The following ME2 variants were observed in gnomAD, a reference collection of about 807,000 sequenced individuals.
ME2 encodes the protein NAD-dependent malic enzyme, mitochondrial.
A neutral mutation model predicts 73.7 loss-of-function variants in ME2; 60 were observed. The observed-to-expected ratio is 0.81, with a 90% CI of 0.66 to 1.01. The LOEUF (loss-of-function observed/expected upper bound fraction) is 1.01, where lower values mean the gene tolerates loss of function less well. Ranked by LOEUF, ME2 falls within the 50% of genes least tolerant of loss-of-function variation. The pLI is 0.00. For synonymous variants in ME2, 199 were observed against 236.9 expected, an observed-to-expected ratio of 0.84 and a Z score of 1.47; for missense variants, 594 against 705.5, an observed-to-expected ratio of 0.84 and a Z score of 1.79.
In ME2 at chr18:50,925,823, G is replaced by A. The variant is rs1259520833; in HGVS notation, c.1239G>A (p.Arg413=). 2 of 1,613,026 alleles carry A rather than the reference G, an allele frequency of 1.2e-6. No individual in the cohort carries two copies. Among genetic ancestry groups the A allele is most frequent in the Middle Eastern group, 1.6e-4 (1 of 6,084 alleles). ...GAGCCATGGCCTCTATCAATGAAAG[G>A]CCTGTAATATTTGCATTAAGTAATC... is the stretch of plus-strand genomic sequence containing the variant. ...VIRAMASINE[R]PVIFALSNPT... The change falls in exon 12 of 16, where the codon AGG becomes AGA. Residue 413 remains arginine (R), a synonymous_variant. Transcript: ENST00000321341.
At chr18:50,902,299 C>T (rs1412345239) in intron 2 of ME2, among the ~76,000 whole-genome samples, 2 of 152,128 alleles carry the variant, frequency 1.3e-5, no homozygotes, top group Non-Finnish European at 2.9e-5. Flanking sequence ...TATATTTTAA[C>T]TTCTCCCGGC....
chr18:50,879,511 A>C (rs1406542288), intron 1 of ME2, among the ~76,000 whole-genome samples: 2 of 152,156 alleles, frequency 1.3e-5, no homozygotes, highest in African/African-American at 2.4e-5. Flanking sequence ...GACCGGCTAC[A>C]TCGCGGCGAC....
rs560216607 is a variant in ME2 at position 50,893,248 on chromosome 18, A to G, written c.-12-2561A>G. On this transcript the variant is annotated intron_variant, in intron 1 of 15. Coordinates refer to ENST00000321341, the MANE Select transcript of ME2 (RefSeq NM_002396.5). ...AGTGTATATGCAAAATTGTAATTTT[A>G]TGGTATTTTGAACTTAAAGCATCAA... Among the ~76,000 whole-genome samples, 11 of 151,822 alleles carry G rather than the reference A, an allele frequency of 7.2e-5. No homozygotes were observed. In the South Asian group the frequency reaches 2.1e-3, roughly 29 times the overall value.
intron 1 of ME2, among the ~76,000 whole-genome samples, chr18:50,892,026 G>A (rs1367490973): frequency 6.7e-6 from 1 of 150,106 alleles, no homozygotes; most frequent in Non-Finnish European, 1.5e-5. Context: ...TCACCATATT[G>A]ACCATGCTGG....
At chr18:50,919,774 C>G (rs1207125256) in intron 7 of ME2, among the ~76,000 whole-genome samples, 1 of 151,982 alleles carries the variant, frequency 6.6e-6, no homozygotes, top group Non-Finnish European at 1.5e-5. Context: ...TTCACTGTTT[C>G]TACATGGGAT....
At chr18:50,888,316 G>T (rs929206982) in intron 1 of ME2, among the ~76,000 whole-genome samples, 3 of 147,242 alleles carry the variant, frequency 2.0e-5, no homozygotes, top group Non-Finnish European at 3.0e-5. Flanking sequence ...CTGCACTCTA[G>T]CCTAGGCAAC....
At chr18:50,923,763 A>G (rs1284711603) in intron 10 of ME2, among the ~76,000 whole-genome samples, 4 of 152,176 alleles carry the variant, frequency 2.6e-5, no homozygotes, top group Non-Finnish European at 5.9e-5. Context: ...TAAATTAAAT[A>G]TGAAAATTTC....
chr18:50,925,230 G>A (rs1252135447), intron 11 of ME2, among the ~76,000 whole-genome samples: 10 of 152,162 alleles, frequency 6.6e-5, no homozygotes, highest in Non-Finnish European at 8.8e-5. Context: ...TGTAATTCCA[G>A]CACTCTGGGA....
At chr18:50,884,823 C>T (rs1486823936) in intron 1 of ME2, among the ~76,000 whole-genome samples, 1 of 133,492 alleles carries the variant, frequency 7.5e-6, no homozygotes, top group Non-Finnish European at 1.6e-5. Context: ...CAGTACTAAT[C>T]ACCAAAGTTT....
chr18:50,921,956 A>G (rs1031837177), intron 10 of ME2, among the ~76,000 whole-genome samples: 1 of 152,236 alleles, frequency 6.6e-6, no homozygotes, highest in East Asian at 1.9e-4. Flanking sequence ...CACATTGAAT[A>G]TAAGTAAACT....
intron 1 of ME2, among the ~76,000 whole-genome samples, chr18:50,879,550 G>A (rs1916262075): frequency 6.6e-6 from 1 of 152,210 alleles, no homozygotes; most frequent in Admixed American, 6.5e-5. Flanking sequence ...GGCTCTACCC[G>A]GCGCGCGATT....
chr18:50,925,051 C>T (rs1917516604), intron 11 of ME2, among the ~76,000 whole-genome samples: 2 of 151,994 alleles, frequency 1.3e-5, no homozygotes, highest in African/African-American at 4.8e-5. Context: ...AATTTAACTA[C>T]CTCATATAAA....
intron 1 of ME2, among the ~76,000 whole-genome samples, chr18:50,881,275 G>T (rs960480926): frequency 6.6e-6 from 1 of 152,132 alleles, no homozygotes; most frequent in Non-Finnish European, 1.5e-5. Flanking sequence ...GACCTCAAGT[G>T]CTCCACCTCC....
intron 2 of ME2, among the ~76,000 whole-genome samples, chr18:50,901,988 G>A (rs1370674123): frequency 6.6e-6 from 1 of 152,096 alleles, no homozygotes; most frequent in African/African-American, 2.4e-5. Flanking sequence ...TTTTCAAGAT[G>A]TAAGATTGTG....
chr18:50,929,228 C>T (rs1407112114), intron 12 of ME2, among the ~76,000 whole-genome samples: 1 of 151,086 alleles, frequency 6.6e-6, no homozygotes, highest in Non-Finnish European at 1.5e-5. Context: ...CCTGTAATCC[C>T]AGCACTTTGG....
At chr18:50,937,544 A>T (rs768021967) in intron 13 of ME2, among the ~76,000 whole-genome samples, 1 of 152,208 alleles carries the variant, frequency 6.6e-6, no homozygotes, top group Non-Finnish European at 1.5e-5. Context: ...AAAGATTTTC[A>T]TAAAAGAGAC....
Position 50,902,543 on chromosome 18 carries a change from A to G in ME2, c.109-5520A>G, listed in dbSNP as rs567965320. Among the ~76,000 whole-genome samples, 25 of 152,200 alleles carry G rather than the reference A, an allele frequency of 1.6e-4. No homozygotes were observed. In the South Asian group the frequency reaches 1.9e-3, roughly 11 times the overall value. The stretch of plus-strand genomic sequence containing the variant: ...ATCCCAAGTAGCTGGGATTACAGGC[A>G]TGTGCCACCACGCCTGGCTAATTTT... On this transcript the variant is annotated intron_variant, in intron 2 of 15. Coordinates refer to ENST00000321341, the MANE Select transcript of ME2 (RefSeq NM_002396.5).
chr18:50,891,503 A>G (rs1916604114), intron 1 of ME2, among the ~76,000 whole-genome samples: 1 of 152,174 alleles, frequency 6.6e-6, no homozygotes, highest in Non-Finnish European at 1.5e-5. Flanking sequence ...AAATACAGCC[A>G]ATTAATTTAT....
intron 13 of ME2, among the ~76,000 whole-genome samples, chr18:50,936,671 A>G (rs1242436885): frequency 6.6e-6 from 1 of 152,178 alleles, no homozygotes; most frequent in African/African-American, 2.4e-5. Context: ...CACACCCATA[A>G]TCCCAGCACT....
Sources: gnomAD v4.1 joint callset for allele counts (sites outside exome capture counted in the v4.1 genomes callset) on GRCh38, gnomAD v4.1.1 for gene constraint, MANE v1.5 for transcripts, NCBI Gene and HGNC (gene_info 2026-07-23, HGNC 2026-07-21) for gene names.